Variants in KLHL7 observed in about 807,000 individuals in gnomAD.
KLHL7 encodes the protein kelch-like protein 7.
Under a neutral mutation model 67.4 loss-of-function variants are expected in KLHL7, and 44 were observed. The observed-to-expected ratio is 0.65, with a 90% confidence interval of 0.51 to 0.84. KLHL7 has a LOEUF of 0.84. Among genes scored for constraint, KLHL7 ranks in the 40% least tolerant of loss-of-function variants. KLHL7 has a pLI of 0.00. For synonymous variants in KLHL7, 252 were observed against 243.3 expected (o/e 1.04, Z -0.33); for missense variants, 362 against 718.1 (o/e 0.50, Z 5.67).
At chr7:23,158,219 A>G (rs775015772) in intron 7 of KLHL7, among the ~76,000 whole-genome samples, 11 of 152,192 alleles carry the variant, frequency 7.2e-5, no homozygotes, top group Non-Finnish European at 1.0e-4. Context: ...CTCCTGCCTC[A>G]GCCTCCCAAA....
At chr7:23,145,804 C>T (rs1784337073) in intron 6 of KLHL7, among the ~76,000 whole-genome samples, 1 of 152,234 alleles carries the variant, frequency 6.6e-6, no homozygotes, top group South Asian at 2.1e-4. Context: ...AATCACAACT[C>T]ACTACAGCCT....
intron 1 of KLHL7, among the ~76,000 whole-genome samples, chr7:23,111,598 A>G (rs567392122): frequency 6.6e-6 from 1 of 152,252 alleles, no homozygotes; most frequent in African/African-American, 2.4e-5. Context: ...AGACAGGTGG[A>G]TCACCTGAGG....
rs145010953 is a variant in KLHL7 at position 23,135,440 on chromosome 7, T to C, written c.443-5329T>C. 9.3e-4 allele frequency among the ~76,000 whole-genome samples: 142 copies of C among 152,348 alleles called. 2 individuals are homozygous for C. The highest frequency in any genetic ancestry group is 6.9e-3 in the East Asian group (36 of 5,186). On this transcript the variant is annotated intron_variant, in intron 4 of 10. Transcript: ENST00000339077. ...GATGAAATAGTCTATAAATATCTGT[T>C]AGATCCATTTGGTCTATAGTGCAGA...
chr7:23,169,930 C>G (rs1166806296), intron 9 of KLHL7, among the ~76,000 whole-genome samples: 1 of 152,162 alleles, frequency 6.6e-6, no homozygotes, highest in Non-Finnish European at 1.5e-5. Flanking sequence ...GTTACCTAGT[C>G]CAGGTGTGGT....
In KLHL7 at chr7:23,174,174, T is replaced by C; in HGVS notation, c.1637T>C (p.Leu546Pro). ...GGTGTTGGTCGATTAGGACACATTC[T>C]CGAATATAATACCGAAACAGACAAA... ...FQGVGRLGHI[L>P]EYNTETDKWV... Residue 546 changes from leucine to proline, a missense_variant, in exon 11 of 11, where the codon CTC (leucine) becomes CCC (proline). This residue lies in a region of KLHL7 where 136 missense variants were observed against 252.7 expected (regional missense o/e 0.54). Coordinates refer to ENST00000339077, the MANE Select transcript of KLHL7 (RefSeq NM_001031710.3). 5.6e-6 allele frequency: 9 copies of C among 1,614,172 alleles called. No individual in the cohort carries two copies. The highest frequency in any genetic ancestry group is 6.8e-6 in the Non-Finnish European group (8 of 1,179,998).
At chr7:23,111,366 G>C (rs571474490) in intron 1 of KLHL7, among the ~76,000 whole-genome samples, 2 of 152,284 alleles carry the variant, frequency 1.3e-5, no homozygotes, top group South Asian at 4.1e-4. Context: ...AACATAAGGC[G>C]GACGATGGTT....
At position 23,174,321 on chromosome 7, in the gene KLHL7, A is replaced by C. The variant is rs371098593; in HGVS notation, c.*23A>C. 2 of 1,596,782 alleles carry C rather than the reference A, an allele frequency of 1.3e-6. No homozygotes were observed. Among genetic ancestry groups the C allele is most frequent in the African/African-American group, 2.7e-5 (2 of 73,280 alleles). On this transcript the variant is annotated 3_prime_UTR_variant, in exon 11 of 11. Transcript: ENST00000339077. ...TGAAAAATGAGTGGACTTCAGACTC[A>C]TCAGAGACTCTAAAATATAGCCACC...
At chr7:23,166,007 T>A in intron 8 of KLHL7, 69 bp downstream of exon 8, 1 of 1,511,220 alleles carries the variant, frequency 6.6e-7, no homozygotes, top group Non-Finnish European at 9.2e-7. Context: ...CTTTCATATT[T>A]AAATAAACAG....
Position 23,174,495 on chromosome 7 carries a change from C to T in KLHL7, c.*197C>T, listed in dbSNP as rs774015399. 7 of 699,258 alleles carry T rather than the reference C, an allele frequency of 1.0e-5. No homozygotes were observed. The South Asian group carries it at 1.0e-4, about 10-fold the overall frequency. The allele number at this position is 699,258 out of a possible 1,614,324, so 43.3% of individuals were successfully genotyped here. ...GATCATATTTTAGCTGGCCACAAAACCAAGAACATATCTAGCAAGAAAACT... is the reference window on the plus strand; with the variant it reads ...GATCATATTTTAGCTGGCCACAAAATCAAGAACATATCTAGCAAGAAAACT... On this transcript the variant is annotated 3_prime_UTR_variant, in exon 11 of 11. Transcript: ENST00000339077.
At chr7:23,142,344 T>A (rs1784215218) in intron 5 of KLHL7, among the ~76,000 whole-genome samples, 1 of 152,218 alleles carries the variant, frequency 6.6e-6, no homozygotes, top group African/African-American at 2.4e-5. Context: ...TTTAAGTTGC[T>A]TTTGTTCTAA....
At chr7:23,154,772 A>G (rs1020457201) in intron 7 of KLHL7, among the ~76,000 whole-genome samples, 2 of 152,220 alleles carry the variant, frequency 1.3e-5, no homozygotes, top group South Asian at 2.1e-4. Flanking sequence ...AGATAGAAAC[A>G]GAAATATGCG....
chr7:23,152,215 TA>T lies in KLHL7; in HGVS notation c.936+8del. On this transcript the variant is annotated splice_region_variant and intron_variant, in intron 7 of 10. Transcript: ENST00000339077. ...GTAGATATTTTAACCCAAAGGTAAC[TA>T]ATTTTTATTCTTGGTTTTTGTTGTT... 6.2e-7 allele frequency: 1 copy of T among 1,613,524 alleles called. No homozygotes were observed. Among genetic ancestry groups the T allele is most frequent in the Non-Finnish European group, 8.5e-7 (1 of 1,179,488 alleles).
chr7:23,120,020 A>T (rs946325065), intron 1 of KLHL7, among the ~76,000 whole-genome samples: 2 of 151,802 alleles, frequency 1.3e-5, no homozygotes, highest in African/African-American at 4.8e-5. Context: ...TATTTTATTT[A>T]TTTTATTTTA....
chr7:23,106,030 G>T lies in KLHL7; in HGVS notation c.4G>T (p.Ala2Ser). ...GCGTGAACCGAGCTGAGGGAGGATGGCAGCCTCTGGGGTGGAGAAGAGCAG... is the reference window on the plus strand; with the variant it reads ...GCGTGAACCGAGCTGAGGGAGGATGTCAGCCTCTGGGGTGGAGAAGAGCAG... M[A>S]ASGVEKSSKK... Residue 2 changes from alanine (A) to serine (S), a missense_variant, in exon 1 of 11, where the codon GCA becomes TCA. By Grantham distance (99) the Ala-to-Ser change is moderately conservative. Transcript: ENST00000339077. 1 of 1,609,886 alleles carries T rather than the reference G, an allele frequency of 6.2e-7. No homozygotes were observed.
At chr7:23,150,469 A>G (rs760697216) in intron 6 of KLHL7, among the ~76,000 whole-genome samples, 1 of 152,108 alleles carries the variant, frequency 6.6e-6, no homozygotes, top group African/African-American at 2.4e-5. Flanking sequence ...ACTGTTCTAC[A>G]TCTTGCTTTT....
In KLHL7 at chr7:23,143,934, G is replaced by T; in HGVS notation, c.702G>T (p.Arg234Ser). The T allele has an allele frequency of 6.2e-7, 1 of 1,614,006 alleles. No homozygotes were observed. Among genetic ancestry groups the T allele is most frequent in the Non-Finnish European group, 8.5e-7 (1 of 1,179,932 alleles). Residue 234 changes from arginine (R) to serine (S), a missense_variant, in exon 6 of 11, where the codon AGG becomes AGT. By Grantham distance (110) the Arg-to-Ser change is moderately radical. This residue lies in a region of KLHL7 where 155 missense variants were observed against 280.8 expected (regional missense o/e 0.55). Transcript: ENST00000339077. Reference sequence around the variant, plus strand: ...TGGTTGATATCCTTGCTAAAGTCAGGTTTCCTCTTATATCAAAGAATTTCT... The same window carrying T: ...TGGTTGATATCCTTGCTAAAGTCAGTTTTCCTCTTATATCAAAGAATTTCT... ...PFMVDILAKVRFPLISKNFLS... is the reference protein window; with the variant it reads ...PFMVDILAKVSFPLISKNFLS...
In KLHL7 at chr7:23,174,171, T is replaced by G. The variant is rs1785239538; in HGVS notation, c.1634T>G (p.Ile545Ser). 1 of 1,614,190 alleles carries G rather than the reference T, an allele frequency of 6.2e-7. No individual in the cohort carries two copies. The highest frequency in any genetic ancestry group is 8.5e-7 in the Non-Finnish European group (1 of 1,180,008). Residue 545 changes from isoleucine (I) to serine (S), a missense_variant, in exon 11 of 11, where the codon ATT (isoleucine) becomes AGT (serine). This residue lies in a region of KLHL7 where 136 missense variants were observed against 252.7 expected (regional missense o/e 0.54). Coordinates refer to ENST00000339077, the MANE Select transcript of KLHL7 (RefSeq NM_001031710.3). ...CAGGGTGTTGGTCGATTAGGACACA[T>G]TCTCGAATATAATACCGAAACAGAC... ...GFQGVGRLGH[I>S]LEYNTETDKW...
intron 6 of KLHL7, among the ~76,000 whole-genome samples, chr7:23,145,555 C>T (rs1784329817): frequency 6.6e-6 from 1 of 152,086 alleles, no homozygotes; most frequent in Non-Finnish European, 1.5e-5. Flanking sequence ...GTGGGCATCT[C>T]AGTTCTTGGG....
At chr7:23,153,674 C>T (rs527477064) in intron 7 of KLHL7, among the ~76,000 whole-genome samples, 1 of 152,308 alleles carries the variant, frequency 6.6e-6, no homozygotes, top group South Asian at 2.1e-4. Flanking sequence ...GGGGCATGCT[C>T]TGATTATATT....
Sources: gnomAD v4.1 joint callset for allele counts (sites outside exome capture counted in the v4.1 genomes callset) on GRCh38, gnomAD v4.1.1 for gene constraint, gnomAD v4.1.1 regional missense constraint, MANE v1.5 for transcripts, NCBI Gene and HGNC (gene_info 2026-07-23, HGNC 2026-07-21) for gene names.